Variants in PRKG1 observed in about 807,000 individuals in gnomAD.
PRKG1 encodes protein kinase cGMP-dependent 1, also known as cGMP-dependent protein kinase 1.
Under a neutral mutation model 88.1 loss-of-function variants are expected in PRKG1, and 35 were observed. That is an observed-to-expected ratio of 0.40 (90% confidence interval 0.30 to 0.53). PRKG1 has a LOEUF of 0.53. Ranked by LOEUF, PRKG1 falls within the 20% of genes least tolerant of loss-of-function variation. The pLI, the probability that PRKG1 is intolerant of heterozygous loss-of-function variation, is 0.59. For synonymous variants in PRKG1, 303 were observed against 292.5 expected (o/e 1.04, Z -0.37); for missense variants, 540 against 839.8 (o/e 0.64, Z 4.41).
In PRKG1 at chr10:51,668,063, C is replaced by A. The variant is rs543772538; in HGVS notation, c.593-136522C>A. 2.6e-5 allele frequency among the ~76,000 whole-genome samples: 4 copies of A among 152,158 alleles called. No homozygotes were observed. In the South Asian group the frequency reaches 8.3e-4, roughly 32 times the overall value. ...GCCTGGGGTCATTTAAATTTCAAAT[C>A]TGCTGCCATTTTCTTGCTTGTAACT... On this transcript the variant is annotated intron_variant, in intron 3 of 17. Transcript: ENST00000373980.
intron 2 of PRKG1, among the ~76,000 whole-genome samples, chr10:51,263,837 G>T (rs1319619929): frequency 6.6e-6 from 1 of 152,160 alleles, no homozygotes; most frequent in Admixed American, 6.5e-5. Flanking sequence ...AGAGTTAGAG[G>T]TTATTAGAAT....
At chr10:52,127,396 A>G (rs1847955166) in intron 7 of PRKG1, among the ~76,000 whole-genome samples, 1 of 152,146 alleles carries the variant, frequency 6.6e-6, no homozygotes, top group Non-Finnish European at 1.5e-5. Flanking sequence ...TTTGCAAGTC[A>G]CTCATGTAAA....
chr10:52,098,402 G>T (rs1262430792), intron 7 of PRKG1, among the ~76,000 whole-genome samples: 1 of 152,168 alleles, frequency 6.6e-6, no homozygotes, highest in Non-Finnish European at 1.5e-5. Flanking sequence ...CTGATTTATA[G>T]CAATAACCTG....
intron 3 of PRKG1, among the ~76,000 whole-genome samples, chr10:51,736,024 C>G (rs7901498): frequency 0.36 from 50,269 of 140,996 alleles, 9,774 homozygotes; most frequent in Middle Eastern, 0.53. Flanking sequence ...TCCTGAGTAA[C>G]TAGGACCACA....
chr10:52,083,141 A>G (rs1235752790), intron 7 of PRKG1, among the ~76,000 whole-genome samples: 1 of 152,000 alleles, frequency 6.6e-6, no homozygotes, highest in Non-Finnish European at 1.5e-5. Context: ...TTAGTGTTAT[A>G]TATGTTTGAA....
At chr10:51,032,248 C>T (rs561254645) in intron 1 of PRKG1, among the ~76,000 whole-genome samples, 13 of 152,268 alleles carry the variant, frequency 8.5e-5, no homozygotes, top group African/African-American at 2.6e-4. Flanking sequence ...CTCATTGGCA[C>T]CACCCCTCTG....
At chr10:51,114,093 T>G (rs1346652297) in intron 1 of PRKG1, among the ~76,000 whole-genome samples, 1 of 152,136 alleles carries the variant, frequency 6.6e-6, no homozygotes, top group East Asian at 1.9e-4. Flanking sequence ...TTCCAGTATA[T>G]AGCTTCACTT....
intron 9 of PRKG1, among the ~76,000 whole-genome samples, chr10:52,210,717 C>T (rs189193112): frequency 6.6e-6 from 1 of 152,236 alleles, no homozygotes; most frequent in African/African-American, 2.4e-5. Context: ...ATTCATCAAA[C>T]TCTAAGTGGT....
chr10:52,190,914 A>G (rs894952596), intron 9 of PRKG1, among the ~76,000 whole-genome samples: 2 of 152,202 alleles, frequency 1.3e-5, no homozygotes, highest in African/African-American at 2.4e-5. Flanking sequence ...CCTCCCAAAT[A>G]CATCCTTCTA....
intron 3 of PRKG1, among the ~76,000 whole-genome samples, chr10:51,678,925 G>A (rs1840777148): frequency 6.6e-6 from 1 of 152,202 alleles, no homozygotes; most frequent in Non-Finnish European, 1.5e-5. Context: ...GACTACTGCA[G>A]TGCATTATTA....
chr10:51,515,485 A>G (rs1423410686), intron 3 of PRKG1, among the ~76,000 whole-genome samples: 1 of 152,230 alleles, frequency 6.6e-6, no homozygotes, highest in Admixed American at 6.5e-5. Flanking sequence ...AAATCTTAGT[A>G]CTATTCAACC....
intron 5 of PRKG1, among the ~76,000 whole-genome samples, chr10:51,984,613 A>T (rs74132878): frequency 0.094 from 14,332 of 152,140 alleles, 1,819 homozygotes; most frequent in African/African-American, 0.28. Flanking sequence ...GTGAACTTCA[A>T]GGAATTATTA....
At chr10:51,580,403 CA>C (rs1285551007) in intron 3 of PRKG1, among the ~76,000 whole-genome samples, 1 of 152,122 alleles carries the variant, frequency 6.6e-6, no homozygotes, top group East Asian at 1.9e-4. Context: ...CTTGCCAACA[CA>C]TGGTATTATT....
intron 7 of PRKG1, among the ~76,000 whole-genome samples, chr10:52,068,071 C>A (rs1362424583): frequency 7.2e-6 from 1 of 139,108 alleles, no homozygotes; most frequent in Non-Finnish European, 1.6e-5. Context: ...GGCATGGTGG[C>A]GCGTGCCTGT....
At chr10:51,492,791 G>C (rs554197808) in intron 3 of PRKG1, among the ~76,000 whole-genome samples, 1 of 152,068 alleles carries the variant, frequency 6.6e-6, no homozygotes, top group Non-Finnish European at 1.5e-5. Flanking sequence ...GTATTTCAGA[G>C]TTATTTTAGG....
At chr10:51,947,028 C>T (rs546666395) in intron 5 of PRKG1, among the ~76,000 whole-genome samples, 1 of 152,208 alleles carries the variant, frequency 6.6e-6, no homozygotes, top group Admixed American at 6.5e-5. Context: ...ACAGAGGTTA[C>T]TGCTGTCTTT....
chr10:52,292,426 A>C (rs1453526573), intron 17 of PRKG1, among the ~76,000 whole-genome samples: 1 of 151,786 alleles, frequency 6.6e-6, no homozygotes, highest in African/African-American at 2.4e-5. Flanking sequence ...ATCCATCTTG[A>C]ATTAATTTTT....
At chr10:51,682,043 T>G (rs1840863577) in intron 3 of PRKG1, among the ~76,000 whole-genome samples, 1 of 152,198 alleles carries the variant, frequency 6.6e-6, no homozygotes, top group Non-Finnish European at 1.5e-5. Flanking sequence ...ATCTGTCCTC[T>G]ATTGTACTGG....
At chr10:51,303,669 A>C (rs1405238252) in intron 2 of PRKG1, among the ~76,000 whole-genome samples, 1 of 152,078 alleles carries the variant, frequency 6.6e-6, no homozygotes, top group Non-Finnish European at 1.5e-5. Context: ...GAAGATAATA[A>C]TATTAAATTT....
Sources: gnomAD v4.1 joint callset for allele counts (sites outside exome capture counted in the v4.1 genomes callset) on GRCh38, gnomAD v4.1.1 for gene constraint, MANE v1.5 for transcripts, NCBI Gene and HGNC (gene_info 2026-07-23, HGNC 2026-07-21) for gene names.